PAPPA: variants seen among roughly 807,000 people sequenced by gnomAD.
The protein encoded by PAPPA is pappalysin-1.
A neutral mutation model predicts 164.0 loss-of-function variants in PAPPA; 60 were observed. The observed-to-expected ratio is 0.37, with a 90% CI of 0.30 to 0.45. The LOEUF is 0.45. Ranked by LOEUF, PAPPA falls within the 20% of genes least tolerant of loss-of-function variation. The pLI, the probability that PAPPA is intolerant of heterozygous loss-of-function variation, is 1.00. For synonymous variants in PAPPA, 875 were observed against 814.1 expected, an observed-to-expected ratio of 1.07 and a Z score of -1.27; for missense variants, 1,782 against 2,087.3, an observed-to-expected ratio of 0.85 and a Z score of 2.85.
chr9:116,196,224 G>A (rs1844101978), intron 2 of PAPPA, among the ~76,000 whole-genome samples: 1 of 152,158 alleles, frequency 6.6e-6, no homozygotes, highest in Non-Finnish European at 1.5e-5. Flanking sequence ...CAGGATCTGA[G>A]GTCCTCCTTC....
chr9:116,326,946 G>T (rs2118939405), intron 10 of PAPPA, among the ~76,000 whole-genome samples: 1 of 152,270 alleles, frequency 6.6e-6, no homozygotes, highest in Admixed American at 6.5e-5. Context: ...ATATTCCATT[G>T]TGTGTATATA....
rs1430567147 is a variant in PAPPA at position 116,245,022 on chromosome 9, C to A, written c.2732+9385C>A. Among the ~76,000 whole-genome samples the A allele has an allele frequency of 2.0e-5, 3 of 152,212 alleles. No homozygotes were observed. In the East Asian group the frequency reaches 5.8e-4, roughly 29 times the overall value. ...TTGTCGTTTGAAGCAGCATGGGTGGCACTGGAGGCTATTATCTTAAGTAAA... is the reference window on the plus strand; with the variant it reads ...TTGTCGTTTGAAGCAGCATGGGTGGAACTGGAGGCTATTATCTTAAGTAAA... On this transcript the variant is annotated intron_variant, in intron 7 of 21. Transcript: ENST00000328252.
chr9:116,224,610 A>G lies in PAPPA; in HGVS notation c.2112-2821A>G, dbSNP rs189718404. Among the ~76,000 whole-genome samples the G allele has an allele frequency of 3.9e-5, 6 of 152,338 alleles. No homozygotes were observed. The East Asian group carries it at 1.2e-3, about 29-fold the overall frequency. ...GGATGCCTTGGAGAAACACTGTCCA[A>G]TAGGATTTGCTGCAATAACGGAAAT... On this transcript the variant is annotated intron_variant, in intron 5 of 21. Transcript: ENST00000328252.
intron 1 of PAPPA, among the ~76,000 whole-genome samples, chr9:116,159,303 G>C (rs1441710097): frequency 6.6e-6 from 1 of 152,214 alleles, no homozygotes; most frequent in African/African-American, 2.4e-5. Context: ...TAGAGACTCA[G>C]TCAAGGGTAG....
At position 116,400,485 on chromosome 9, in the gene PAPPA, C is replaced by G. The variant is rs1272919152; in HGVS notation, c.*3869C>G. ...AGTGGGAGGGCTTATATTGGTTTTTCCAGCTATTAAGGGGACATATTGTGT... is the reference window on the plus strand; with the variant it reads ...AGTGGGAGGGCTTATATTGGTTTTTGCAGCTATTAAGGGGACATATTGTGT... On this transcript the variant is annotated 3_prime_UTR_variant, in exon 22 of 22. Transcript: ENST00000328252. 1 of 151,954 alleles carries G rather than the reference C, an allele frequency of 6.6e-6. No homozygotes were observed. The highest frequency in any genetic ancestry group is 2.4e-5 in the African/African-American group (1 of 41,378). The allele number at this position is 151,954 out of a possible 1,614,324, so 9.4% of individuals were successfully genotyped here. A position where few individuals can be genotyped will look rare whatever the true frequency, so the allele number is the denominator to read the frequency against.
At chr9:116,272,395 C>G (rs747825665) in intron 9 of PAPPA, among the ~76,000 whole-genome samples, 1 of 152,182 alleles carries the variant, frequency 6.6e-6, no homozygotes, top group South Asian at 2.1e-4. Flanking sequence ...CACTGACAGG[C>G]AATTTTCTAG....
chr9:116,217,467 T>G (rs1844388574), intron 4 of PAPPA, among the ~76,000 whole-genome samples: 1 of 152,246 alleles, frequency 6.6e-6, no homozygotes, highest in South Asian at 2.1e-4. Context: ...ATTTTCACCA[T>G]TATAAATTAT....
intron 21 of PAPPA, among the ~76,000 whole-genome samples, chr9:116,383,539 A>G (rs952329122): frequency 1.7e-5 from 1 of 57,606 alleles, no homozygotes; most frequent in South Asian, 3.8e-4. Context: ...AATGATAGAA[A>G]GAGTGAGGTT....
At chr9:116,179,706 C>A (rs866625633) in intron 1 of PAPPA, among the ~76,000 whole-genome samples, 28 of 152,090 alleles carry the variant, frequency 1.8e-4, no homozygotes, top group African/African-American at 4.8e-4. Context: ...GGTCTCCCCC[C>A]CGACTGAACC....
intron 6 of PAPPA, among the ~76,000 whole-genome samples, chr9:116,232,493 C>T (rs1395455539): frequency 6.6e-5 from 10 of 152,184 alleles, no homozygotes; most frequent in Admixed American, 3.9e-4. Flanking sequence ...AAGCCTGGCA[C>T]GCTGCCTGGA....
chr9:116,322,034 T>C (rs889218315), intron 10 of PAPPA, among the ~76,000 whole-genome samples: 6 of 152,340 alleles, frequency 3.9e-5, no homozygotes, highest in Admixed American at 3.9e-4. Flanking sequence ...AGAGTCCTTA[T>C]ATCTCAATTG....
At chr9:116,323,951 C>CAA (rs1845891194) in intron 10 of PAPPA, among the ~76,000 whole-genome samples, 1 of 152,122 alleles carries the variant, frequency 6.6e-6, no homozygotes. Context: ...CCTTGCCTGG[C>CAA]AATTGCAGGC....
chr9:116,295,934 G>A (rs1008521055), intron 9 of PAPPA, among the ~76,000 whole-genome samples: 1 of 152,200 alleles, frequency 6.6e-6, no homozygotes, highest in Non-Finnish European at 1.5e-5. Context: ...TTAAATGAAT[G>A]TATAGACTTC....
chr9:116,343,691 C>T (rs1211491073), intron 13 of PAPPA, among the ~76,000 whole-genome samples: 1 of 152,068 alleles, frequency 6.6e-6, no homozygotes, highest in Admixed American at 6.5e-5. Context: ...TGTACTTTGC[C>T]AACTAGGTAA....
In PAPPA at chr9:116,271,347, G is replaced by A. The variant is rs1395617796; in HGVS notation, c.2884G>A (p.Asp962Asn). ...IQKDQGEQCD[D>N]MNKINGDGCS... Reference sequence around the variant, plus strand: ...CAGAGACCAAGGTGAACAATGCGACGACATGAATAAGATCAATGGTGATGG... The same window carrying A: ...CAGAGACCAAGGTGAACAATGCGACAACATGAATAAGATCAATGGTGATGG... Residue 962 changes from aspartate to asparagine, a missense_variant, in exon 9 of 22, where the codon GAC becomes AAC. Asp to Asn is a conservative substitution (Grantham distance 23). Around this residue, in one of 2 missense-constraint regions of PAPPA, gnomAD observed 1,324 missense variants for 1,656.9 expected, o/e 0.80. Transcript: ENST00000328252. The surrounding 1 kb of genome is among the most constrained non-coding windows in gnomAD (Gnocchi z 4.2). The A allele has an allele frequency of 6.2e-6, 10 of 1,613,806 alleles. No individual in the cohort carries two copies. The highest frequency in any genetic ancestry group is 2.7e-5 in the African/African-American group (2 of 74,924).
intron 4 of PAPPA, 22 bp downstream of exon 4, chr9:116,211,954 G>T: frequency 1.9e-6 from 3 of 1,605,332 alleles, no homozygotes; most frequent in Non-Finnish European, 2.6e-6. Context: ...CACTCTGTAG[G>T]GTGAACAGGT....
At chr9:116,299,869 T>A (rs1372311329) in intron 9 of PAPPA, among the ~76,000 whole-genome samples, 3 of 100,756 alleles carry the variant, frequency 3.0e-5, no homozygotes, top group Non-Finnish European at 6.9e-5. Context: ...GTAAATATCA[T>A]TACCTCCATT....
Position 116,261,887 on chromosome 9 carries a change from G to GTGTTTTGTTTTGTTTTGTTT in PAPPA, c.2733-3964_2733-3945dup, listed in dbSNP as rs71300680. On this transcript the variant is annotated intron_variant, in intron 7 of 21. Coordinates refer to ENST00000328252, the MANE Select transcript of PAPPA (RefSeq NM_002581.5). ...GAATGACGGTTAAATGTAGAAAAAA[G>GTGTTTTGTTTTGTTTTGTTT]TGTTTTGTTTTGTTTTGTTTTGTTT... Among the ~76,000 whole-genome samples, 177 of 151,056 alleles carry GTGTTTTGTTTTGTTTTGTTT rather than the reference G, an allele frequency of 1.2e-3. 1 individual carries two copies. Among genetic ancestry groups the GTGTTTTGTTTTGTTTTGTTT allele is most frequent in the African/African-American group, 4.0e-3 (166 of 41,060 alleles).
intron 18 of PAPPA, among the ~76,000 whole-genome samples, chr9:116,364,879 A>C (rs930530234): frequency 6.6e-6 from 1 of 152,172 alleles, no homozygotes; most frequent in East Asian, 1.9e-4. Flanking sequence ...CTGTACCCCA[A>C]GTCCCCACGG....
Sources: gnomAD v4.1 joint callset for allele counts (sites outside exome capture counted in the v4.1 genomes callset) on GRCh38, gnomAD v4.1.1 for gene constraint, gnomAD v4.1.1 regional missense constraint, Gnocchi (gnomAD v3.1) non-coding constraint, MANE v1.5 for transcripts, NCBI Gene and HGNC (gene_info 2026-07-23, HGNC 2026-07-21) for gene names.